Variants in ZSWIM6 observed in about 807,000 individuals in gnomAD.
ZSWIM6 encodes the protein zinc finger SWIM-type containing 6, also known as zinc finger SWIM domain-containing protein 6.
Under a neutral mutation model 113.2 loss-of-function variants are expected in ZSWIM6, and 9 were observed. The observed-to-expected ratio is 0.08, with a 90% CI of 0.05 to 0.14. ZSWIM6 has a LOEUF of 0.14. ZSWIM6 is among the 10% of genes least tolerant of loss of function. The pLI is 1.00. For missense variants in ZSWIM6, 1,162 were observed against 1,552.2 expected (o/e 0.75, Z 4.22); for synonymous variants, 611 against 606.5 (o/e 1.01, Z -0.11).
At chr5:61,373,686 G>A (rs1322273371) in intron 1 of ZSWIM6, among the ~76,000 whole-genome samples, 1 of 151,962 alleles carries the variant, frequency 6.6e-6, no homozygotes, top group Non-Finnish European at 1.5e-5. Flanking sequence ...AAATCTTACT[G>A]ATTTTTCACC....
At position 61,543,367 on chromosome 5, in the gene ZSWIM6, T is replaced by C. The variant is rs917061939; in HGVS notation, c.2786-88T>C. On this transcript the variant is annotated intron_variant, in intron 13 of 13. Transcript: ENST00000252744. The surrounding 1 kb of genome is among the most constrained non-coding windows in gnomAD (Gnocchi z 4.3). ...GCTCATGTCCTATGATGGTTAACAA[T>C]GTAAACACTGGTTGTAAAAGTCAAA... 7.0e-7 allele frequency: 1 copy of C among 1,435,582 alleles called. No individual in the cohort carries two copies. The allele number at this position is 1,435,582 out of a possible 1,614,324, so 88.9% of individuals were successfully genotyped here.
At chr5:61,393,254 G>A (rs1745767980) in intron 1 of ZSWIM6, among the ~76,000 whole-genome samples, 1 of 151,192 alleles carries the variant, frequency 6.6e-6, no homozygotes, top group African/African-American at 2.4e-5. Flanking sequence ...CACCACACTG[G>A]TCAGGCTGGT....
At chr5:61,541,549 G>A (rs1749738969) in intron 12 of ZSWIM6, among the ~76,000 whole-genome samples, 1 of 150,992 alleles carries the variant, frequency 6.6e-6, no homozygotes, top group South Asian at 2.2e-4. Context: ...GAGGGAAAAA[G>A]GGCATGGGCT....
chr5:61,395,440 G>A (rs1745817300), intron 1 of ZSWIM6, among the ~76,000 whole-genome samples: 1 of 152,086 alleles, frequency 6.6e-6, no homozygotes, highest in South Asian at 2.1e-4. Context: ...ATTCATACCT[G>A]TACACAGATA....
At chr5:61,424,478 G>A (rs763717411) in intron 1 of ZSWIM6, among the ~76,000 whole-genome samples, 17 of 152,138 alleles carry the variant, frequency 1.1e-4, no homozygotes, top group Non-Finnish European at 1.6e-4. Flanking sequence ...GAGAGCAGAC[G>A]CTGACAGATA....
intron 1 of ZSWIM6, among the ~76,000 whole-genome samples, chr5:61,444,416 G>T (rs746420116): frequency 1.3e-5 from 2 of 151,936 alleles, no homozygotes; most frequent in African/African-American, 4.8e-5. Flanking sequence ...ATACGTGTGC[G>T]TGTGTCTTTA....
intron 4 of ZSWIM6, among the ~76,000 whole-genome samples, chr5:61,516,184 T>G (rs946051278): frequency 6.6e-6 from 1 of 151,564 alleles, no homozygotes; most frequent in Non-Finnish European, 1.5e-5. Flanking sequence ...GTTGTTGAAT[T>G]TAGGTCTACC....
intron 3 of ZSWIM6, 120 bp from the exon 4 acceptor site, chr5:61,494,140 A>ACG: frequency 9.1e-7 from 1 of 1,102,578 alleles, no homozygotes; most frequent in Non-Finnish European, 1.3e-6. Context: ...ACACACACAC[A>ACG]CACACGGAGA....
chr5:61,434,176 CTATA>C (rs1291937898), intron 1 of ZSWIM6, among the ~76,000 whole-genome samples: 1 of 144,472 alleles, frequency 6.9e-6, no homozygotes, highest in Non-Finnish European at 1.5e-5. Flanking sequence ...ATTATATATA[CTATA>C]TATAACATAT....
intron 4 of ZSWIM6, among the ~76,000 whole-genome samples, chr5:61,501,133 A>G (rs571120120): frequency 6.6e-6 from 1 of 152,250 alleles, no homozygotes; most frequent in African/African-American, 2.4e-5. Flanking sequence ...GGTCCTCATT[A>G]CTGGGGCATG....
intron 1 of ZSWIM6, among the ~76,000 whole-genome samples, chr5:61,380,829 G>T (rs1256754069): frequency 1.3e-5 from 2 of 152,172 alleles, no homozygotes; most frequent in African/African-American, 2.4e-5. Flanking sequence ...GGCCGGGCGA[G>T]GTGGCTCACG....
intron 1 of ZSWIM6, among the ~76,000 whole-genome samples, chr5:61,381,798 C>G (rs567276274): frequency 6.6e-6 from 1 of 152,148 alleles, no homozygotes; most frequent in African/African-American, 2.4e-5. Context: ...GTGAATAGAT[C>G]CCTCCAACAC....
At chr5:61,455,402 G>T (rs562398804) in intron 1 of ZSWIM6, among the ~76,000 whole-genome samples, 1 of 152,072 alleles carries the variant, frequency 6.6e-6, no homozygotes, top group Admixed American at 6.5e-5. Context: ...CAATATCCCC[G>T]CACTGAAGCT....
At chr5:61,443,118 A>G (rs1269913791) in intron 1 of ZSWIM6, among the ~76,000 whole-genome samples, 3 of 152,188 alleles carry the variant, frequency 2.0e-5, no homozygotes, top group Non-Finnish European at 4.4e-5. Context: ...ACCTGTATTC[A>G]AGAGTCTTTG....
chr5:61,462,204 T>C (rs560600120), intron 1 of ZSWIM6, among the ~76,000 whole-genome samples: 1 of 152,332 alleles, frequency 6.6e-6, no homozygotes, highest in East Asian at 1.9e-4. Context: ...ACTAGTCTCC[T>C]TACTCTTGCA....
intron 4 of ZSWIM6, among the ~76,000 whole-genome samples, chr5:61,507,769 T>C (rs1214267499): frequency 1.3e-5 from 2 of 152,166 alleles, no homozygotes; most frequent in East Asian, 3.8e-4. Context: ...ACAGAATTTA[T>C]TAGCTGTGCA....
At chr5:61,336,010 C>T (rs1400301043) in intron 1 of ZSWIM6, among the ~76,000 whole-genome samples, 1 of 152,130 alleles carries the variant, frequency 6.6e-6, no homozygotes, top group African/African-American at 2.4e-5. Flanking sequence ...CACCTGTAAT[C>T]CCCGAACTTT....
chr5:61,505,651 C>T (rs531509710), intron 4 of ZSWIM6, among the ~76,000 whole-genome samples: 9 of 105,108 alleles, frequency 8.6e-5, no homozygotes, highest in Non-Finnish European at 1.4e-4. Flanking sequence ...TCCTTCCTTC[C>T]TTCCTTCCTT....
intron 1 of ZSWIM6, among the ~76,000 whole-genome samples, chr5:61,363,283 G>A (rs1212422509): frequency 1.3e-5 from 2 of 152,214 alleles, no homozygotes; most frequent in Non-Finnish European, 2.9e-5. Flanking sequence ...TCAACTCGTG[G>A]AAAGTGTCAT....
Sources: allele counts gnomAD v4.1 joint callset (sites outside exome capture counted in the v4.1 genomes callset), GRCh38; gene constraint gnomAD v4.1.1; non-coding constraint Gnocchi (gnomAD v3.1); transcripts MANE v1.5; gene names NCBI Gene and HGNC (gene_info 2026-07-23, HGNC 2026-07-21).